DGKK: variants seen among roughly 807,000 people sequenced by gnomAD.
The protein encoded by DGKK is 142 kDa diacylglycerol kinase.
DGKK carries 35 observed loss-of-function variants against 92.2 expected under a neutral mutation model. The observed-to-expected ratio is 0.38, with a 90% CI of 0.29 to 0.50. The LOEUF (loss-of-function observed/expected upper bound fraction) is 0.50, where lower values mean the gene tolerates loss of function less well. DGKK is among the 20% of genes least tolerant of loss of function. The pLI, the probability that DGKK is intolerant of heterozygous loss-of-function variation, is 0.92. For missense variants in DGKK, 910 were observed against 992.2 expected (o/e 0.92, Z 1.11); for synonymous variants, 368 against 360.6 (o/e 1.02, Z -0.23).
chrX:50,375,034 T>TA lies in DGKK; in HGVS notation c.3437dup (p.Asp1147ArgfsTer5). 8.3e-7 allele frequency: 1 copy of TA among 1,206,722 alleles called. No individual in the cohort carries two copies. Among genetic ancestry groups the TA allele is most frequent in the Non-Finnish European group, 1.1e-6 (1 of 891,739 alleles). ...GACCTTTAAGACTAAATGTAACATCTACGGCATCATTTCTGCTTAGAGTCT... is the reference window on the plus strand; with the variant it reads ...GACCTTTAAGACTAAATGTAACATCTAACGGCATCATTTCTGCTTAGAGTCT... On this transcript the variant is annotated frameshift_variant, in exon 25 of 28. Coordinates refer to ENST00000611977, the MANE Select transcript of DGKK (RefSeq NM_001013742.4). LOFTEE classifies it high-confidence loss of function.
chrX:50,373,796 A>G (rs1924200988), intron 25 of DGKK, among the ~76,000 whole-genome samples: 1 of 112,368 alleles, frequency 8.9e-6, no homozygotes, highest in Non-Finnish European at 1.9e-5. Flanking sequence ...AGCCAACCCT[A>G]AAGTGGATGA....
chrX:50,437,343 T>G (rs1926056044), intron 1 of DGKK, among the ~76,000 whole-genome samples: 1 of 111,384 alleles, frequency 9.0e-6, no homozygotes, highest in African/African-American at 3.3e-5. Flanking sequence ...ATCTGCATCC[T>G]TTTCCGACTT....
intron 1 of DGKK, among the ~76,000 whole-genome samples, chrX:50,452,452 A>G (rs1478088605): frequency 8.9e-6 from 1 of 112,225 alleles, no homozygotes; most frequent in Non-Finnish European, 1.9e-5. Context: ...CCTTAGAAAA[A>G]TCTCTACCCA....
At chrX:50,425,624 C>T (rs1557229645) in intron 1 of DGKK, among the ~76,000 whole-genome samples, 1 of 111,348 alleles carries the variant, frequency 9.0e-6, no homozygotes, top group African/African-American at 3.3e-5. Flanking sequence ...TACTAGTAGA[C>T]AGAGCCTCTG....
chrX:50,456,846 G>A (rs1926623375), intron 1 of DGKK, among the ~76,000 whole-genome samples: 1 of 111,451 alleles, frequency 9.0e-6, no homozygotes, highest in Admixed American at 9.5e-5. Context: ...GTAATGCAAA[G>A]GTTTGCACAG....
In DGKK at chrX:50,470,173, G is replaced by A. The variant is rs929307790; in HGVS notation, c.506C>T (p.Ala169Val). 3 of 1,212,079 alleles carry A rather than the reference G, an allele frequency of 2.5e-6. No homozygotes were observed. The highest frequency in any genetic ancestry group is 3.4e-6 in the Non-Finnish European group (3 of 895,486). Residue 169 changes from alanine to valine, a missense_variant, in exon 1 of 28, where the codon GCG (alanine) becomes GTG (valine). Physicochemically the swap from Ala to Val is moderately conservative, Grantham distance 64. Transcript: ENST00000611977. ...TGGACTTGGACGGAACTCTGGAGCC[G>A]CCTCAGGGCAGAACTCTGGGGCCAG... ...TELAPEFCPE[A>V]APEFRPSPAP...
At chrX:50,395,488 A>G (rs781965817) in intron 8 of DGKK, among the ~76,000 whole-genome samples, 1 of 111,028 alleles carries the variant, frequency 9.0e-6, no homozygotes, top group African/African-American at 3.3e-5. Context: ...TATGCCCCCA[A>G]AGTTTTTGTT....
At chrX:50,371,563 TG>T (rs1924126356) in intron 26 of DGKK, among the ~76,000 whole-genome samples, 160 bp downstream of exon 26, 1 of 111,720 alleles carries the variant, frequency 9.0e-6, no homozygotes, top group African/African-American at 3.3e-5. Context: ...ATGAAGAGAT[TG>T]GGGGGAGGTG....
At chrX:50,399,121 T>C (rs1924928660) in intron 8 of DGKK, among the ~76,000 whole-genome samples, 1 of 112,213 alleles carries the variant, frequency 8.9e-6, no homozygotes, top group Non-Finnish European at 1.9e-5. Flanking sequence ...CATGTTATTA[T>C]GGGGACATAT....
At chrX:50,390,819 C>T (rs1557225452) in intron 11 of DGKK, among the ~76,000 whole-genome samples, 1 of 111,989 alleles carries the variant, frequency 8.9e-6, no homozygotes, top group Non-Finnish European at 1.9e-5. Flanking sequence ...AAATCAAATG[C>T]TCCTATATAC....
intron 1 of DGKK, among the ~76,000 whole-genome samples, chrX:50,434,595 G>A (rs1296669714): frequency 1.8e-5 from 2 of 110,630 alleles, no homozygotes; most frequent in Non-Finnish European, 3.8e-5. Context: ...GAAAAGCCAT[G>A]GACCAGTGAT....
chrX:50,420,362 A>G (rs781933968), intron 4 of DGKK, 41 bp downstream of exon 4: 1 of 1,125,619 alleles, frequency 8.9e-7, no homozygotes, highest in Non-Finnish European at 1.2e-6. Context: ...TTAATTATTT[A>G]CCTATTAAGA....
intron 1 of DGKK, among the ~76,000 whole-genome samples, chrX:50,468,548 CAG>C (rs1179199596): frequency 1.5e-4 from 17 of 111,532 alleles, no homozygotes; most frequent in African/African-American, 4.6e-4. Context: ...AAAAACTTAT[CAG>C]AGTCTCCCAC....
Position 50,425,724 on chromosome X carries a change from C to G in DGKK, c.646-1366G>C, listed in dbSNP as rs782361619. Among the ~76,000 whole-genome samples the G allele has an allele frequency of 3.6e-5, 4 of 111,324 alleles. No individual in the cohort carries two copies. In the South Asian group the frequency reaches 1.5e-3, roughly 42 times the overall value. On this transcript the variant is annotated intron_variant, in intron 1 of 27. Transcript: ENST00000611977. ...GGGAGTTTCAAGGTTATTGTAACAC[C>G]CTTGGGATGCAAAAGAATGGTGCTG... is the stretch of plus-strand genomic sequence containing the variant.
intron 8 of DGKK, among the ~76,000 whole-genome samples, chrX:50,396,077 G>A (rs1343595828): frequency 4.5e-5 from 5 of 112,115 alleles, no homozygotes; most frequent in Non-Finnish European, 9.4e-5. Flanking sequence ...ATTCATCATA[G>A]TGGACTGGTT....
At chrX:50,410,148 G>A (rs1212289851) in intron 4 of DGKK, among the ~76,000 whole-genome samples, 1 of 112,271 alleles carries the variant, frequency 8.9e-6, no homozygotes, top group Non-Finnish European at 1.9e-5. Context: ...AAAAAACTTT[G>A]AAACTGGGTA....
chrX:50,458,652 T>C (rs782762550), intron 1 of DGKK, among the ~76,000 whole-genome samples: 34 of 111,231 alleles, frequency 3.1e-4, no homozygotes, highest in Middle Eastern at 9.3e-3. Flanking sequence ...AGCCATGTTA[T>C]ACTAATCAAC....
Position 50,429,665 on chromosome X carries a change from GAA to G in DGKK, c.646-5309_646-5308del, listed in dbSNP as rs1925836139. Among the ~76,000 whole-genome samples the G allele has an allele frequency of 1.1e-4, 12 of 112,622 alleles. No individual in the cohort carries two copies. The South Asian group carries it at 4.0e-3, about 38-fold the overall frequency. On this transcript the variant is annotated intron_variant, in intron 1 of 27. Transcript: ENST00000611977. ...GATCGCGCCACTGCACTCCAGCCTG[GAA>G]GACAGCGCAAGACTCCGTCACACAC...
intron 12 of DGKK, among the ~76,000 whole-genome samples, chrX:50,389,521 A>G (rs186955231): frequency 3.8e-4 from 43 of 112,372 alleles, no homozygotes; most frequent in African/African-American, 1.3e-3. Flanking sequence ...AAGCACGCAT[A>G]GGAAAATGTT....
Sources: gnomAD v4.1 joint callset for allele counts (sites outside exome capture counted in the v4.1 genomes callset) on GRCh38, gnomAD v4.1.1 for gene constraint, MANE v1.5 for transcripts, NCBI Gene and HGNC (gene_info 2026-07-23, HGNC 2026-07-21) for gene names.